Variants in KLHL1 observed in about 807,000 individuals in gnomAD.
KLHL1 encodes the protein kelch-like protein 1.
In KLHL1, 47 loss-of-function variants were observed where a neutral mutation model predicts 77.7. The ratio of observed to expected loss-of-function variants is 0.60; its 90% CI spans 0.48 to 0.77. The LOEUF (loss-of-function observed/expected upper bound fraction) is 0.77, where lower values mean the gene tolerates loss of function less well. Ranked by LOEUF, KLHL1 falls within the 30% of genes least tolerant of loss-of-function variation. The probability of loss-of-function intolerance (pLI) is 0.00; values close to 1 mark genes in which losing one functional copy is unlikely to be tolerated. For synonymous variants in KLHL1, 360 were observed against 325.2 expected (o/e 1.11, Z -1.15); for missense variants, 925 against 910.8 (o/e 1.02, Z -0.20).
At chr13:70,073,993 T>G (rs1887201629) in intron 1 of KLHL1, among the ~76,000 whole-genome samples, 1 of 151,834 alleles carries the variant, frequency 6.6e-6, no homozygotes, top group South Asian at 2.1e-4. Context: ...ACCCGGCTAA[T>G]TTTTGTATTT....
intron 1 of KLHL1, among the ~76,000 whole-genome samples, chr13:70,011,450 T>G (rs2033989): frequency 6.6e-6 from 1 of 151,920 alleles, no homozygotes; most frequent in Non-Finnish European, 1.5e-5. Flanking sequence ...CTTATTGATA[T>G]TTTGTTTGCC....
At chr13:69,924,497 G>A (rs1048478028) in intron 4 of KLHL1, among the ~76,000 whole-genome samples, 2 of 152,050 alleles carry the variant, frequency 1.3e-5, no homozygotes, top group Non-Finnish European at 2.9e-5. Context: ...ACACTCATTG[G>A]GACACCCTAG....
At chr13:69,931,069 T>A (rs1251480782) in intron 4 of KLHL1, among the ~76,000 whole-genome samples, 2 of 151,716 alleles carry the variant, frequency 1.3e-5, no homozygotes, top group Non-Finnish European at 3.0e-5. Flanking sequence ...GACGTCAAAT[T>A]AGAAACACTA....
intron 1 of KLHL1, among the ~76,000 whole-genome samples, chr13:70,086,590 A>AAAGAAAG (rs1860083618): frequency 2.3e-5 from 2 of 85,754 alleles, no homozygotes; most frequent in African/African-American, 9.6e-5. Flanking sequence ...AAAAAAAAAA[A>AAAGAAAG]AAAGAAAGAA....
At chr13:69,751,840 T>C (rs1265018888) in intron 7 of KLHL1, among the ~76,000 whole-genome samples, 10 of 152,094 alleles carry the variant, frequency 6.6e-5, no homozygotes, top group African/African-American at 2.4e-4. Flanking sequence ...GAGGTGATAG[T>C]GTCTTGCTTG....
chr13:70,042,153 G>GA (rs1180815402), intron 1 of KLHL1, among the ~76,000 whole-genome samples: 3 of 151,866 alleles, frequency 2.0e-5, no homozygotes, highest in African/African-American at 7.3e-5. Context: ...GATATATAAG[G>GA]AAAAAAATGA....
rs201508879 is a variant in KLHL1 at position 70,031,397 on chromosome 13, G to GA, written c.498-55596dup. On this transcript the variant is annotated intron_variant, in intron 1 of 10. Coordinates refer to ENST00000377844, the MANE Select transcript of KLHL1 (RefSeq NM_020866.3). ...AAGAGGTCCCTAAGTCTCTGGATGA[G>GA]AAAAAAAATAATGTTTATAAAAGTA... 4.3e-4 allele frequency among the ~76,000 whole-genome samples: 65 copies of GA among 151,716 alleles called. No homozygotes were observed. In the East Asian group the frequency reaches 9.1e-3, roughly 21 times the overall value.
At chr13:69,869,731 A>C (rs1880507942) in intron 5 of KLHL1, among the ~76,000 whole-genome samples, 1 of 152,160 alleles carries the variant, frequency 6.6e-6, no homozygotes, top group East Asian at 1.9e-4. Context: ...TCTTAGTAGT[A>C]ACTGTTTCAA....
intron 1 of KLHL1, among the ~76,000 whole-genome samples, chr13:70,017,177 A>G (rs1885679283): frequency 6.6e-6 from 1 of 152,216 alleles, no homozygotes; most frequent in South Asian, 2.1e-4. Context: ...CAACACTGAA[A>G]GAGCTGTTAC....
chr13:70,075,592 C>T (rs2739860), intron 1 of KLHL1, among the ~76,000 whole-genome samples: 81,097 of 108,132 alleles, frequency 0.75, 28,183 homozygotes, highest in East Asian at 0.89. Flanking sequence ...TATATATACA[C>T]ACACACACAT....
chr13:70,021,732 ACAT>A (rs1885803541), intron 1 of KLHL1, among the ~76,000 whole-genome samples: 2 of 152,026 alleles, frequency 1.3e-5, no homozygotes, highest in South Asian at 4.1e-4. Context: ...AAGACTCTTC[ACAT>A]CAAGTGAAGC....
intron 3 of KLHL1, among the ~76,000 whole-genome samples, chr13:69,940,907 T>C (rs567751494): frequency 6.6e-6 from 1 of 151,986 alleles, no homozygotes; most frequent in Non-Finnish European, 1.5e-5. Flanking sequence ...ATAGAACTTA[T>C]CTTTGAAGTT....
rs2137464022 is a variant in KLHL1, at chr13:70,107,989, T to C, written c.-290A>G. The stretch of plus-strand genomic sequence containing the variant: ...GACGCCAAAAGCTGAGAATCCTCGA[T>C]GCCCGCGCGAGAGCCCCGTGTTATG... On this transcript the variant is annotated 5_prime_UTR_variant, in exon 1 of 11. Coordinates refer to ENST00000377844, the MANE Select transcript of KLHL1 (RefSeq NM_020866.3). The C allele has an allele frequency of 4.5e-6, 2 of 444,058 alleles. No homozygotes were observed. The highest frequency in any genetic ancestry group is 2.0e-5 in the African/African-American group (1 of 49,680). The allele number at this position is 444,058 out of a possible 1,614,324, so 27.5% of individuals were successfully genotyped here. A position where few individuals can be genotyped will look rare whatever the true frequency, so the allele number is the denominator to read the frequency against.
chr13:69,888,804 C>A (rs540205770), intron 4 of KLHL1, among the ~76,000 whole-genome samples: 1 of 152,092 alleles, frequency 6.6e-6, no homozygotes, highest in Non-Finnish European at 1.5e-5. Flanking sequence ...TTGGAGAGAT[C>A]TATAAAAATT....
intron 7 of KLHL1, among the ~76,000 whole-genome samples, chr13:69,764,709 T>C (rs117547016): frequency 0.012 from 1,871 of 152,084 alleles, 14 homozygotes; most frequent in Non-Finnish European, 0.021. Context: ...TTTGGGAACA[T>C]TTAGAAATGC....
At chr13:69,708,776 A>G (rs544855202) in intron 9 of KLHL1, among the ~76,000 whole-genome samples, 1 of 152,128 alleles carries the variant, frequency 6.6e-6, no homozygotes, top group African/African-American at 2.4e-5. Context: ...GTTCAGATAC[A>G]AAAACAAAAA....
chr13:69,929,956 G>T (rs1294777652), intron 4 of KLHL1, among the ~76,000 whole-genome samples: 1 of 151,798 alleles, frequency 6.6e-6, no homozygotes, highest in Non-Finnish European at 1.5e-5. Context: ...AGAATTGATG[G>T]TTGGCTGGTG....
chr13:69,885,965 A>C (rs1441768192), intron 4 of KLHL1, among the ~76,000 whole-genome samples: 1 of 152,204 alleles, frequency 6.6e-6, no homozygotes, highest in Non-Finnish European at 1.5e-5. Flanking sequence ...AACCATATAA[A>C]GACATAATCA....
At chr13:69,705,129 AC>A (rs1287560441) in intron 10 of KLHL1, among the ~76,000 whole-genome samples, 1 of 151,714 alleles carries the variant, frequency 6.6e-6, no homozygotes, top group Non-Finnish European at 1.5e-5. Context: ...ATGGCAGTAT[AC>A]CAAGATAATA....
Sources: gnomAD v4.1 joint callset for allele counts (sites outside exome capture counted in the v4.1 genomes callset) on GRCh38, gnomAD v4.1.1 for gene constraint, MANE v1.5 for transcripts, NCBI Gene and HGNC (gene_info 2026-07-23, HGNC 2026-07-21) for gene names.